The following BCR variants were observed in gnomAD, a reference collection of about 807,000 sequenced individuals.
BCR encodes the protein breakpoint cluster region protein.
A neutral mutation model predicts 138.6 loss-of-function variants in BCR; 58 were observed. That is an observed-to-expected ratio of 0.42 (90% CI 0.34 to 0.52). BCR has a LOEUF of 0.52. BCR is among the 20% of genes least tolerant of loss of function. BCR has a pLI of 0.06. For missense variants in BCR, 1,599 were observed against 1,727.2 expected (o/e 0.93, Z 1.32); for synonymous variants, 786 against 730.1 (o/e 1.08, Z -1.23).
At chr22:23,203,490 G>A (rs187639228) in intron 1 of BCR, among the ~76,000 whole-genome samples, 135 of 152,286 alleles carry the variant, frequency 8.9e-4, no homozygotes, top group Non-Finnish European at 1.2e-3. Flanking sequence ...CTGAGATTAA[G>A]GTTTGCTTTG....
At chr22:23,222,171 A>C (rs537019907) in intron 1 of BCR, among the ~76,000 whole-genome samples, 2 of 152,270 alleles carry the variant, frequency 1.3e-5, no homozygotes, top group African/African-American at 4.8e-5. Context: ...CTGTGGAGCA[A>C]GTTTCCTGCA....
chr22:23,295,218 G>A, intron 16 of BCR, 63 bp downstream of exon 16: 1 of 1,585,100 alleles, frequency 6.3e-7, no homozygotes, highest in Non-Finnish European at 8.6e-7. Context: ...TGCAGCCCCT[G>A]GGGACACTGA....
At chr22:23,182,679 C>T (rs1304256158) in intron 1 of BCR, among the ~76,000 whole-genome samples, 2 of 152,174 alleles carry the variant, frequency 1.3e-5, no homozygotes, top group African/African-American at 4.8e-5. Context: ...GGGCATTCCC[C>T]GCCACCCCAC....
At chr22:23,299,646 C>T (rs1333694974) in intron 16 of BCR, among the ~76,000 whole-genome samples, 1 of 151,590 alleles carries the variant, frequency 6.6e-6, no homozygotes, top group Non-Finnish European at 1.5e-5. Flanking sequence ...ATAAAACATA[C>T]ATCTGTATCT....
chr22:23,182,114 C>T lies in BCR; in HGVS notation c.1154C>T (p.Thr385Met). ...TCCTTCGACAGCAGCAGTCCCCCCA[C>T]GCCGCAGTGCCATAAGCGGCACCGG... ...QQSFDSSSPP[T>M]PQCHKRHRHC... Residue 385 changes from threonine (T) to methionine (M), a missense_variant, in exon 1 of 23, where the codon ACG becomes ATG. By Grantham distance (81) the Thr-to-Met change is moderately conservative. Transcript: ENST00000305877. 2 of 1,612,316 alleles carry T rather than the reference C, an allele frequency of 1.2e-6. No individual in the cohort carries two copies. Among genetic ancestry groups the T allele is most frequent in the Non-Finnish European group, 1.7e-6 (2 of 1,180,018 alleles).
chr22:23,190,333 A>C (rs973488226), intron 1 of BCR, among the ~76,000 whole-genome samples: 1 of 151,968 alleles, frequency 6.6e-6, no homozygotes, highest in African/African-American at 2.4e-5. Context: ...ACACCTGGGT[A>C]ATTTTTGTAT....
chr22:23,282,761 A>G (rs1568971922), intron 8 of BCR, among the ~76,000 whole-genome samples: 1 of 152,256 alleles, frequency 6.6e-6, no homozygotes, highest in East Asian at 1.9e-4. Flanking sequence ...TCTCTGTTGT[A>G]TGTGCCTCCC....
rs1034158900 is a variant in BCR at position 23,261,070 on chromosome 22, G to A, written c.1566+16G>A. The stretch of plus-strand genomic sequence containing the variant: ...ACTGCTGCTGGTGAGGAGGATTTAG[G>A]GAGCTGAGCAGGGCGGGATGGGGCA... On this transcript the variant is annotated intron_variant, in intron 3 of 22. Transcript: ENST00000305877. The A allele has an allele frequency of 1.2e-6, 2 of 1,610,942 alleles. No homozygotes were observed. Among genetic ancestry groups the A allele is most frequent in the Non-Finnish European group, 1.7e-6 (2 of 1,178,088 alleles).
At chr22:23,241,214 G>A (rs2073086832) in intron 1 of BCR, among the ~76,000 whole-genome samples, 1 of 152,232 alleles carries the variant, frequency 6.6e-6, no homozygotes, top group South Asian at 2.1e-4. Context: ...ACCGAGATGG[G>A]GGAAGAAGGT....
chr22:23,292,426 C>T, intron 14 of BCR, 115 bp from the exon 15 acceptor site: 1 of 846,482 alleles, frequency 1.2e-6, no homozygotes, highest in Non-Finnish European at 1.9e-6. Flanking sequence ...AAAGTTACAA[C>T]CTTTTTTTTT....
At chr22:23,264,137 C>CTT (rs1254782158) in intron 4 of BCR, 1 of 1,514,190 alleles carries the variant, frequency 6.6e-7, no homozygotes, top group African/African-American at 1.4e-5. Flanking sequence ...ACAACAGCAC[C>CTT]CTGTACTGCC....
chr22:23,238,572 A>G (rs1225913627), intron 1 of BCR, among the ~76,000 whole-genome samples: 1 of 151,948 alleles, frequency 6.6e-6, no homozygotes, highest in East Asian at 1.9e-4. Flanking sequence ...TCATCTGTAA[A>G]ATGGGGTACT....
rs972406961 is a variant in BCR, at chr22:23,264,261, C to T, written c.1752+2721C>T. On this transcript the variant is annotated intron_variant, in intron 4 of 22. Transcript: ENST00000305877. ...GCACACCTTCCCGCTGACGTCGACCCGCCTCGGCAGCCCTGTGTACTGCCT... is the reference window on the plus strand; with the variant it reads ...GCACACCTTCCCGCTGACGTCGACCTGCCTCGGCAGCCCTGTGTACTGCCT... 26 of 937,770 alleles carry T rather than the reference C, an allele frequency of 2.8e-5. No individual in the cohort carries two copies. In the African/African-American group the frequency reaches 2.9e-4, roughly 10 times the overall value. 58.1% of individuals were successfully genotyped at this position (937,770 alleles called of 1,614,324 possible). A position where few individuals can be genotyped will look rare whatever the true frequency, so the allele number is the denominator to read the frequency against.
Position 23,314,690 on chromosome 22 carries a change from C to G in BCR, c.3702C>G (p.Ser1234Arg). The change falls in exon 22 of 23, where the codon AGC (serine) becomes AGG (arginine). Residue 1234 changes from serine (S) to arginine (R), a missense_variant. By Grantham distance (110) the Ser-to-Arg change is moderately radical. Around this residue, in one of 4 missense-constraint regions of BCR, gnomAD observed 177 missense variants for 226.4 expected, o/e 0.78. Coordinates refer to ENST00000305877, the MANE Select transcript of BCR (RefSeq NM_004327.4). ...NPSQPITMTD[S>R]WSLEVMSQVQ... The stretch of plus-strand genomic sequence containing the variant: ...GCCAGCCTATCACCATGACTGACAG[C>G]TGGTCCTTGGAGGTCATGTCCCAGG... 1 of 1,611,958 alleles carries G rather than the reference C, an allele frequency of 6.2e-7. No individual in the cohort carries two copies. The highest frequency in any genetic ancestry group is 8.5e-7 in the Non-Finnish European group (1 of 1,179,858).
At position 23,312,900 on chromosome 22, in the gene BCR, G is replaced by A. The variant is rs1240918613; in HGVS notation, c.3336G>A (p.Val1112=). 2 of 1,596,202 alleles carry A rather than the reference G, an allele frequency of 1.3e-6. No homozygotes were observed. The highest frequency in any genetic ancestry group is 1.7e-5 in the Admixed American group (1 of 60,004). The part of the protein sequence containing the change: ...KAAFDVNNKD[V]SVMMSEMDVN... The stretch of plus-strand genomic sequence containing the variant: ...TGCTCTTTCCAGATAACAAGGACGT[G>A]TCGGTGATGATGAGCGAGATGGACG... Residue 1112 remains valine, a synonymous_variant, in exon 20 of 23, where the codon GTG becomes GTA. Transcript: ENST00000305877.
At chr22:23,183,222 A>G (rs938299387) in intron 1 of BCR, among the ~76,000 whole-genome samples, 6 of 152,304 alleles carry the variant, frequency 3.9e-5, no homozygotes, top group African/African-American at 1.2e-4. Context: ...CCATTGGGGT[A>G]AGGAAAGGGT....
At chr22:23,214,162 G>A (rs2072721461) in intron 1 of BCR, among the ~76,000 whole-genome samples, 1 of 151,756 alleles carries the variant, frequency 6.6e-6, no homozygotes, top group Non-Finnish European at 1.5e-5. Flanking sequence ...CAGATAGCGG[G>A]AGAGGATGTT....
rs1401475193 is a variant in BCR at position 23,235,117 on chromosome 22, T to G, written c.1280-18682T>G. ...TGGGGTTTTTTGTTTTGTTTTGTTTTTTTGAGATGGAGTCTCTCGCTCTGT... is the reference window on the plus strand; with the variant it reads ...TGGGGTTTTTTGTTTTGTTTTGTTTGTTTGAGATGGAGTCTCTCGCTCTGT... On this transcript the variant is annotated intron_variant, in intron 1 of 22. Coordinates refer to ENST00000305877, the MANE Select transcript of BCR (RefSeq NM_004327.4). Among the ~76,000 whole-genome samples the G allele has an allele frequency of 1.4e-5, 2 of 144,066 alleles. 1 individual carries two copies. The allele number at this position is 144,066 out of a possible 152,430, so 94.5% of individuals were successfully genotyped here.
At chr22:23,254,447 C>G in intron 2 of BCR, 1 of 516,996 alleles carries the variant, frequency 1.9e-6, no homozygotes, top group Admixed American at 1.9e-5. Context: ...CTTTCTGTCA[C>G]TTCCACTTTA....
Sources: gnomAD v4.1 joint callset for allele counts (sites outside exome capture counted in the v4.1 genomes callset) on GRCh38, gnomAD v4.1.1 for gene constraint, gnomAD v4.1.1 regional missense constraint, MANE v1.5 for transcripts, NCBI Gene and HGNC (gene_info 2026-07-23, HGNC 2026-07-21) for gene names.